The following GLIS3 variants were observed in gnomAD, a reference collection of about 807,000 sequenced individuals.
GLIS3 encodes the protein GLIS family zinc finger 3, also known as zinc finger protein GLIS3.
GLIS3 carries 53 observed loss-of-function variants against 78.6 expected under a neutral mutation model. The ratio of observed to expected loss-of-function variants is 0.67; its 90% CI spans 0.54 to 0.85. The LOEUF is 0.85. GLIS3 is among the 40% of genes least tolerant of loss of function. The pLI is 0.00. For synonymous variants in GLIS3, 684 were observed against 509.9 expected (o/e 1.34, Z -4.60); for missense variants, 1,703 against 1,231.1 (o/e 1.38, Z -5.74).
intron 4 of GLIS3, among the ~76,000 whole-genome samples, chr9:3,955,536 A>G (rs1004412656): frequency 2.0e-5 from 3 of 152,130 alleles, no homozygotes; most frequent in African/African-American, 7.2e-5. Flanking sequence ...TTACAAACTT[A>G]AAAACATCAT....
chr9:4,054,214 G>A (rs1563991103), intron 4 of GLIS3: 1 of 527,152 alleles, frequency 1.9e-6, no homozygotes, highest in East Asian at 1.5e-4. Context: ...ACACTCACCA[G>A]CAGAACATCA....
intron 9 of GLIS3, among the ~76,000 whole-genome samples, chr9:3,854,954 A>G (rs1251970216): frequency 6.6e-6 from 1 of 152,232 alleles, no homozygotes. Context: ...TTGTTTGGGA[A>G]CATCACCCAT....
intron 4 of GLIS3, among the ~76,000 whole-genome samples, chr9:3,976,004 G>GGGCC (rs1216031041): frequency 3.3e-5 from 5 of 152,062 alleles, no homozygotes; most frequent in African/African-American, 7.2e-5. Flanking sequence ...AGGTCCTGGC[G>GGGCC]GGCCATATGT....
chr9:4,306,145 T>C (rs1817222147), intron 4 of GLIS3: 1 of 152,194 alleles, frequency 6.6e-6, no homozygotes, highest in Non-Finnish European at 1.5e-5. Context: ...AGTGGTGTGA[T>C]CATAGCTCAC....
chr9:4,194,863 G>A (rs1219153347), intron 2 of GLIS3, among the ~76,000 whole-genome samples: 3 of 152,208 alleles, frequency 2.0e-5, no homozygotes, highest in Non-Finnish European at 4.4e-5. Flanking sequence ...AAAACACTGC[G>A]AAAAGCTGCA....
At chr9:4,108,970 A>C (rs946613807) in intron 4 of GLIS3, among the ~76,000 whole-genome samples, 1 of 152,160 alleles carries the variant, frequency 6.6e-6, no homozygotes, top group African/African-American at 2.4e-5. Flanking sequence ...ACAAAAGGCA[A>C]GTCTTCCTTT....
chr9:3,843,948 G>A (rs1352620544), intron 9 of GLIS3, among the ~76,000 whole-genome samples: 1 of 152,182 alleles, frequency 6.6e-6, no homozygotes, highest in African/African-American at 2.4e-5. Context: ...CTTACATCTT[G>A]TAAGGCCTAG....
At chr9:4,468,115 G>C in the GLIS3 span, among the ~76,000 whole-genome samples, 18 of 152,178 alleles carry the variant, frequency 1.2e-4, no homozygotes, top group Non-Finnish European at 2.1e-4. Context: ...AATGAACAAA[G>C]CCTCCAAGAA....
chr9:4,012,425 CA>C (rs762608542), intron 4 of GLIS3, among the ~76,000 whole-genome samples: 66 of 151,876 alleles, frequency 4.3e-4, no homozygotes, highest in Non-Finnish European at 6.8e-4. Context: ...TTACCTGTAT[CA>C]GGGGAAAAAA....
intron 2 of GLIS3, chr9:4,285,772 C>T (rs1225838365): frequency 4.2e-6 from 2 of 475,648 alleles, no homozygotes; most frequent in Non-Finnish European, 7.6e-6. Flanking sequence ...ACTCAGCCTG[C>T]CTCCCTATTT....
At chr9:4,313,060 C>G (rs1587380087) in intron 2 of GLIS3, among the ~76,000 whole-genome samples, 1 of 152,306 alleles carries the variant, frequency 6.6e-6, no homozygotes. Context: ...CTATGCTATG[C>G]TGTTTCTTTG....
At chr9:3,863,740 G>A (rs1235060390) in intron 8 of GLIS3, among the ~76,000 whole-genome samples, 1 of 152,206 alleles carries the variant, frequency 6.6e-6, no homozygotes, top group Admixed American at 6.5e-5. Flanking sequence ...AGGACAGAGT[G>A]TTCTGGAGGA....
chr9:4,097,780 T>C (rs1462135581), intron 4 of GLIS3, among the ~76,000 whole-genome samples: 1 of 152,156 alleles, frequency 6.6e-6, no homozygotes, highest in Admixed American at 6.5e-5. Context: ...ATTGAGATCA[T>C]ATCCTAAGAA....
the GLIS3 span, among the ~76,000 whole-genome samples, chr9:4,387,154 A>G: frequency 6.6e-6 from 1 of 152,308 alleles, no homozygotes; most frequent in South Asian, 2.1e-4. Flanking sequence ...TGTTATAGAG[A>G]TGTGCAGCAG....
chr9:4,406,249 A>T, the GLIS3 span, among the ~76,000 whole-genome samples: 1 of 152,242 alleles, frequency 6.6e-6, no homozygotes, highest in Non-Finnish European at 1.5e-5. Flanking sequence ...GAAAGAAAAA[A>T]AAGGGCATCC....
chr9:4,229,523 A>C lies in GLIS3; in HGVS notation c.388+56515T>G, dbSNP rs201935148. The stretch of plus-strand genomic sequence containing the variant: ...AGGGCTGGAGAAGTGTCTCCTGCAC[A>C]GTGTTATCCTTAAACGTAAAGTATT... On this transcript the variant is annotated intron_variant, in intron 2 of 10. Transcript: ENST00000381971. Among the ~76,000 whole-genome samples, 17 of 152,350 alleles carry C rather than the reference A, an allele frequency of 1.1e-4. No homozygotes were observed. The East Asian group carries it at 2.9e-3, about 26-fold the overall frequency.
At chr9:3,926,232 T>C (rs977110626) in intron 6 of GLIS3, among the ~76,000 whole-genome samples, 17 of 118,120 alleles carry the variant, frequency 1.4e-4, no homozygotes, top group Non-Finnish European at 1.9e-4. Flanking sequence ...CTTTTTCTTT[T>C]GTTTTTTTTT....
At chr9:3,921,602 T>C (rs1824892116) in intron 6 of GLIS3, among the ~76,000 whole-genome samples, 1 of 152,140 alleles carries the variant, frequency 6.6e-6, no homozygotes, top group Non-Finnish European at 1.5e-5. Flanking sequence ...CAGAAACCTT[T>C]AGATGGGGGA....
At chr9:4,300,208 TCA>T (rs35733770), upstream of GLIS3, among the ~76,000 whole-genome samples, 4,473 of 142,978 alleles carry the variant, frequency 0.031, 177 homozygotes, top group African/African-American at 0.092. Flanking sequence ...CTTGACGCAT[TCA>T]CACACACACA....
Sources: gnomAD v4.1 joint callset for allele counts (sites outside exome capture counted in the v4.1 genomes callset) on GRCh38, gnomAD v4.1.1 for gene constraint, MANE v1.5 for transcripts, NCBI Gene and HGNC (gene_info 2026-07-23, HGNC 2026-07-21) for gene names.